The following BUD31 variants were observed in gnomAD, a reference collection of about 807,000 sequenced individuals.
The protein encoded by BUD31 is BUD31 spliceosome associated protein.
BUD31 carries 9 observed loss-of-function variants against 17.9 expected under a neutral mutation model. The ratio of observed to expected loss-of-function variants is 0.50; its 90% CI spans 0.30 to 0.88. BUD31 has a LOEUF of 0.88. BUD31 is among the 40% of genes least tolerant of loss of function. The pLI is 0.06. For synonymous variants in BUD31, 70 were observed against 64.7 expected (o/e 1.08, Z -0.39); for missense variants, 148 against 184.5 (o/e 0.80, Z 1.15).
In BUD31 at chr7:99,417,881, G is replaced by A. The variant is rs1007871123; in HGVS notation, c.384+286G>A. On this transcript the variant is annotated intron_variant, in intron 5 of 5. Coordinates refer to ENST00000222969, the MANE Select transcript of BUD31 (RefSeq NM_003910.4). ...GGTGGTGGGGAGCCCTAATCCCAAG[G>A]TGGTGGCAGGGTGACATCAGGGAAG... The A allele has an allele frequency of 2.9e-6, 4 of 1,359,946 alleles. No individual in the cohort carries two copies. In the African/African-American group the frequency reaches 4.4e-5, roughly 15 times the overall value. 84.2% of individuals were successfully genotyped at this position (1,359,946 alleles called of 1,614,324 possible). A position where few individuals can be genotyped will look rare whatever the true frequency, so the allele number is the denominator to read the frequency against.
At position 99,419,502 on chromosome 7, in the gene BUD31, C is replaced by A; in HGVS notation, c.*61C>A. 1.3e-6 allele frequency: 2 copies of A among 1,592,624 alleles called. No individual in the cohort carries two copies. Among genetic ancestry groups the A allele is most frequent in the Non-Finnish European group, 1.7e-6 (2 of 1,168,244 alleles). ...AGGTTCCTGCCTGTCACGCCACCCC[C>A]TTCCTGGGAGCAGCGAGCAGTGCCC... On this transcript the variant is annotated 3_prime_UTR_variant, in exon 6 of 6. Transcript: ENST00000222969.
At chr7:99,409,943 C>T (rs751422575) in intron 1 of BUD31, 91 bp from the exon 2 acceptor site, 4 of 152,188 alleles carry the variant, frequency 2.6e-5, no homozygotes, top group Admixed American at 6.5e-5. Flanking sequence ...GGATCGGCCT[C>T]TTGTATGGGA....
Position 99,419,583 on chromosome 7 carries a change from T to A in BUD31, c.*142T>A. ...GGAAGGCTTCGCTGTCTATCAGCTG[T>A]GATTTGTAAAAATAAAATCTTTAAA... On this transcript the variant is annotated 3_prime_UTR_variant, in exon 6 of 6. Coordinates refer to ENST00000222969, the MANE Select transcript of BUD31 (RefSeq NM_003910.4). 1 of 948,026 alleles carries A rather than the reference T, an allele frequency of 1.1e-6. No individual in the cohort carries two copies. Among genetic ancestry groups the A allele is most frequent in the Non-Finnish European group, 1.6e-6 (1 of 628,448 alleles). The allele number at this position is 948,026 out of a possible 1,614,324, so 58.7% of individuals were successfully genotyped here.
intron 3 of BUD31, among the ~76,000 whole-genome samples, chr7:99,413,018 G>T (rs1368287390): frequency 6.6e-6 from 1 of 152,068 alleles, no homozygotes; most frequent in African/African-American, 2.4e-5. Flanking sequence ...GAAAGAACGA[G>T]ATCTAATGGA....
chr7:99,416,250 C>T lies in BUD31; in HGVS notation c.207C>T (p.Ala69=). 6.2e-7 allele frequency: 1 copy of T among 1,613,606 alleles called. No individual in the cohort carries two copies. Among genetic ancestry groups the T allele is most frequent in the Non-Finnish European group, 8.5e-7 (1 of 1,179,630 alleles). The change falls in exon 4 of 6, where the codon GCC becomes GCT. Residue 69 remains alanine, a synonymous_variant. Transcript: ENST00000222969. Reference sequence around the variant, plus strand: ...TCGACCTCTTTTACAAGCGGAAAGCCATCAGCAGAGGTAATTAGTCAGTCT... The same window carrying T: ...TCGACCTCTTTTACAAGCGGAAAGCTATCAGCAGAGGTAATTAGTCAGTCT... ...YIFDLFYKRK[A]ISRELYEYCI... is the part of the protein sequence containing the mutation.
At chr7:99,417,132 C>G (rs1280497421) in intron 4 of BUD31, 1 of 337,680 alleles carries the variant, frequency 3.0e-6, no homozygotes, top group African/African-American at 2.2e-5. Flanking sequence ...CCTCAGGTCA[C>G]TACAACCTCC....
rs188257528 is a variant in BUD31 at position 99,415,412 on chromosome 7, A to G, written c.95-726A>G. On this transcript the variant is annotated intron_variant, in intron 3 of 5. Transcript: ENST00000222969. Reference sequence around the variant, plus strand: ...CACTAATTTGCTATTGTTATCTAAAAGGCAGAGCCAGGTGTACAGGATGGA... The same window carrying G: ...CACTAATTTGCTATTGTTATCTAAAGGGCAGAGCCAGGTGTACAGGATGGA... 2.0e-3 allele frequency: 789 copies of G among 399,076 alleles called. 2 individuals carry two copies. The highest frequency in any genetic ancestry group is 0.015 in the African/African-American group (731 of 47,938). The allele number at this position is 399,076 out of a possible 1,614,324, so 24.7% of individuals were successfully genotyped here. A position where few individuals can be genotyped will look rare whatever the true frequency, so the allele number is the denominator to read the frequency against.
chr7:99,416,637 T>TTGAACTCC (rs1795483179), intron 4 of BUD31: 1 of 167,698 alleles, frequency 6.0e-6, no homozygotes, highest in Non-Finnish European at 1.3e-5. Context: ...CAGGCTGATC[T>TTGAACTCC]TGAACTCCTG....
chr7:99,415,752 TGCAC>T (rs1795408014), intron 3 of BUD31, among the ~76,000 whole-genome samples: 1 of 152,006 alleles, frequency 6.6e-6, no homozygotes, highest in Admixed American at 6.6e-5. Flanking sequence ...ACAGAAGGCT[TGCAC>T]TCGTTTTCTG....
At chr7:99,413,016 G>A (rs904202360) in intron 3 of BUD31, among the ~76,000 whole-genome samples, 1 of 152,056 alleles carries the variant, frequency 6.6e-6, no homozygotes, top group Non-Finnish European at 1.5e-5. Flanking sequence ...ACGAAAGAAC[G>A]AGATCTAATG....
intron 5 of BUD31, chr7:99,418,184 C>T (rs1270368781): frequency 5.2e-6 from 1 of 191,428 alleles, no homozygotes; most frequent in Admixed American, 5.5e-5. Flanking sequence ...TCAGGCTGGT[C>T]TCGAACTCCC....
chr7:99,412,716 A>G (rs1795237990), intron 3 of BUD31, among the ~76,000 whole-genome samples: 2 of 148,418 alleles, frequency 1.3e-5, no homozygotes, highest in East Asian at 2.0e-4. Context: ...GGTCCACACC[A>G]TTCTCCTGCC....
intron 5 of BUD31, chr7:99,418,782 T>TA (rs1164843029): frequency 6.5e-6 from 1 of 152,858 alleles, no homozygotes; most frequent in Admixed American, 6.5e-5. Context: ...GCTGTAGACT[T>TA]ACCTGGGTTT....
At position 99,417,496 on chromosome 7, in the gene BUD31, A is replaced by G. The variant is rs1795566804; in HGVS notation, c.285A>G (p.Gln95=). 1 of 1,611,376 alleles carries G rather than the reference A, an allele frequency of 6.2e-7. No homozygotes were observed. Among genetic ancestry groups the G allele is most frequent in the Non-Finnish European group, 8.5e-7 (1 of 1,178,300 alleles). The change falls in exon 5 of 6, where the codon CAA becomes CAG. Residue 95 remains glutamine (Q), a synonymous_variant. Transcript: ENST00000222969. ...DKNLIAKWKK[Q]GYENLCCLRC... Reference sequence around the variant, plus strand: ...ACCTGATTGCAAAATGGAAAAAGCAAGGATATGAGAACTTGTGCTGCCTGC... The same window carrying G: ...ACCTGATTGCAAAATGGAAAAAGCAGGGATATGAGAACTTGTGCTGCCTGC...
intron 1 of BUD31, among the ~76,000 whole-genome samples, 181 bp downstream of exon 1, chr7:99,409,426 A>G (rs1366479088): frequency 6.6e-6 from 1 of 151,618 alleles, no homozygotes; most frequent in African/African-American, 2.4e-5. Context: ...ATTACCTCCT[A>G]CGTCCTCTTT....
chr7:99,410,417 A>G (rs570160517), intron 2 of BUD31, among the ~76,000 whole-genome samples: 1 of 132,646 alleles, frequency 7.5e-6, no homozygotes, highest in Non-Finnish European at 1.5e-5. Context: ...TTTGGTAGAG[A>G]TAGGGTTTCA....
chr7:99,419,559 G>T lies in BUD31; in HGVS notation c.*118G>T, dbSNP rs943205483. The T allele has an allele frequency of 3.6e-5, 43 of 1,179,820 alleles. No homozygotes were observed. The highest frequency in any genetic ancestry group is 3.5e-4 in the Admixed American group (19 of 53,868). 73.1% of individuals were successfully genotyped at this position (1,179,820 alleles called of 1,614,324 possible). A position where few individuals can be genotyped will look rare whatever the true frequency, so the allele number is the denominator to read the frequency against. ...CGAGTTGGAGCACGGTCTCTATGGG[G>T]AAGGCTTCGCTGTCTATCAGCTGTG... is the stretch of plus-strand genomic sequence containing the variant. On this transcript the variant is annotated 3_prime_UTR_variant, in exon 6 of 6. Coordinates refer to ENST00000222969, the MANE Select transcript of BUD31 (RefSeq NM_003910.4).
intron 3 of BUD31, among the ~76,000 whole-genome samples, chr7:99,415,728 C>T (rs1327735920): frequency 6.6e-6 from 1 of 152,164 alleles, no homozygotes; most frequent in Non-Finnish European, 1.5e-5. Context: ...CTCTGGTGGC[C>T]CTGTCCGGGC....
intron 3 of BUD31, among the ~76,000 whole-genome samples, chr7:99,415,443 A>C (rs1379768792): frequency 2.0e-5 from 3 of 152,158 alleles, no homozygotes; most frequent in Non-Finnish European, 4.4e-5. Context: ...ATGGAACATG[A>C]AGGCGGACTA....
Sources: gnomAD v4.1 joint callset for allele counts (sites outside exome capture counted in the v4.1 genomes callset) on GRCh38, gnomAD v4.1.1 for gene constraint, MANE v1.5 for transcripts, NCBI Gene and HGNC (gene_info 2026-07-23, HGNC 2026-07-21) for gene names.